The following NTSR2 variants were observed in gnomAD, a reference collection of about 807,000 sequenced individuals.
NTSR2 encodes the protein neurotensin receptor 2.
A neutral mutation model predicts 24.1 loss-of-function variants in NTSR2; 22 were observed. The observed-to-expected ratio is 0.91, with a 90% confidence interval of 0.65 to 1.30. The LOEUF (loss-of-function observed/expected upper bound fraction) is 1.30, where lower values mean the gene tolerates loss of function less well. Ranked by LOEUF, NTSR2 falls within the 50% of genes most tolerant of loss-of-function variation. NTSR2 has a pLI of 0.00. For missense variants in NTSR2, 570 were observed against 570.4 expected, an observed-to-expected ratio of 1.00 and a Z score of 0.01; for synonymous variants, 291 against 267.0, an observed-to-expected ratio of 1.09 and a Z score of -0.88.
In NTSR2 at chr2:11,658,739, G is replaced by A. The variant is rs1660996525; in HGVS notation, c.990-17C>T. On this transcript the variant is annotated splice_polypyrimidine_tract_variant and intron_variant, in intron 3 of 3. Transcript: ENST00000306928. ...TACAGTGGGCTGCAAGAGAAACCCG[G>A]GAGCCTGGTTAGAGGACCTGTCACC... is the stretch of plus-strand genomic sequence containing the variant. 1 of 1,611,998 alleles carries A rather than the reference G, an allele frequency of 6.2e-7. No individual in the cohort carries two copies. Among genetic ancestry groups the A allele is most frequent in the Non-Finnish European group, 8.5e-7 (1 of 1,178,468 alleles).
intron 1 of NTSR2, among the ~76,000 whole-genome samples, chr2:11,667,931 T>C (rs946238072): frequency 1.3e-5 from 2 of 152,064 alleles, no homozygotes; most frequent in Non-Finnish European, 2.9e-5. Flanking sequence ...GAGGAAGACG[T>C]TGTTTAAAGA....
intron 1 of NTSR2, among the ~76,000 whole-genome samples, chr2:11,664,123 C>A (rs974862983): frequency 7.4e-6 from 1 of 135,786 alleles, no homozygotes; most frequent in Non-Finnish European, 1.5e-5. Context: ...ATTTTAAACA[C>A]TGAGCATTTT....
At chr2:11,663,067 G>T (rs1196047380) in intron 1 of NTSR2, among the ~76,000 whole-genome samples, 3 of 152,168 alleles carry the variant, frequency 2.0e-5, no homozygotes, top group Non-Finnish European at 1.5e-5. Flanking sequence ...GAGAAAAATG[G>T]CTTCCATCTT....
chr2:11,661,770 G>A (rs564329758), intron 2 of NTSR2, among the ~76,000 whole-genome samples, 197 bp downstream of exon 2: 2 of 152,314 alleles, frequency 1.3e-5, no homozygotes, highest in African/African-American at 4.8e-5. Context: ...TTCATGTACA[G>A]AATTCCTATT....
Position 11,670,012 on chromosome 2 carries a change from CG to C in NTSR2, c.117del (p.Tyr39Ter). 8 of 1,517,128 alleles carry C rather than the reference CG, an allele frequency of 5.3e-6. No individual in the cohort carries two copies. The highest frequency in any genetic ancestry group is 7.0e-6 in the Non-Finnish European group (8 of 1,138,212). 94.0% of individuals were successfully genotyped at this position (1,517,128 alleles called of 1,614,324 possible). ...GCCGCGCCCAGCGCCCAGATGAGTG[CG>C]TAGAGCGCGGTGAACAGCACCTTGG... is the stretch of plus-strand genomic sequence containing the variant. ...LWAKVLFTAL[Y>X]ALIWALGAAG... On this transcript the variant is annotated frameshift_variant, in exon 1 of 4. Transcript: ENST00000306928. LOFTEE classifies it high-confidence loss of function.
At chr2:11,658,894 CT>C (rs1283236331) in intron 3 of NTSR2, among the ~76,000 whole-genome samples, 172 bp from the exon 4 acceptor site, 1 of 152,200 alleles carries the variant, frequency 6.6e-6, no homozygotes, top group Non-Finnish European at 1.5e-5. Context: ...GAGTCTTGCT[CT>C]GTCTCCCAGG....
chr2:11,667,411 A>G (rs910090226), intron 1 of NTSR2, among the ~76,000 whole-genome samples: 12 of 152,186 alleles, frequency 7.9e-5, no homozygotes, highest in South Asian at 6.2e-4. Flanking sequence ...CAGTGATGCA[A>G]TCATGACTCA....
intron 1 of NTSR2, among the ~76,000 whole-genome samples, chr2:11,663,768 C>T (rs1661133600): frequency 1.3e-5 from 2 of 152,024 alleles, no homozygotes; most frequent in Non-Finnish European, 1.5e-5. Flanking sequence ...GTGAAATGCT[C>T]ATTTTCTGTA....
Position 11,669,604 on chromosome 2 carries a change from GC to G in NTSR2, c.525del (p.Gln176ArgfsTer23), listed in dbSNP as rs1661280534. 4.4e-6 allele frequency: 7 copies of G among 1,584,108 alleles called. No homozygotes were observed. The highest frequency in any genetic ancestry group is 6.0e-6 in the Non-Finnish European group (7 of 1,172,542). On this transcript the variant is annotated frameshift_variant, in exon 1 of 4. Transcript: ENST00000306928. LOFTEE classifies it high-confidence loss of function. ...GLALPMAVIM[G>X]QKHELETADG... ...TCCGCCGTCTCGAGTTCGTGCTTCT[GC>G]CCCATGATGACGGCCATGGGCAGGG...
rs199915986 is a variant in NTSR2 at position 11,658,557 on chromosome 2, C to A, written c.1155G>T (p.Arg385=). The part of the protein sequence containing the change: ...SLCGEHHPMK[R]LPPKPQSPTL... The stretch of plus-strand genomic sequence containing the variant: ...TGGGACTCTGGGGCTTCGGGGGTAA[C>A]CGCTTCATGGGGTGGTGCTCTCCAC... The change falls in exon 4 of 4, where the codon CGG becomes CGT. Residue 385 remains arginine (R), a synonymous_variant. Transcript: ENST00000306928. The A allele has an allele frequency of 1.2e-5, 19 of 1,614,184 alleles. No individual in the cohort carries two copies. In the Admixed American group the frequency reaches 3.0e-4, roughly 25 times the overall value.
chr2:11,668,877 T>C (rs928660342), intron 1 of NTSR2, among the ~76,000 whole-genome samples: 1 of 152,156 alleles, frequency 6.6e-6, no homozygotes, highest in African/African-American at 2.4e-5. Flanking sequence ...AGATCAGAGC[T>C]GCACTTTGGG....
chr2:11,669,497 C>T lies in NTSR2; in HGVS notation c.624+9G>A, dbSNP rs755697799. On this transcript the variant is annotated intron_variant, in intron 1 of 3. Transcript: ENST00000306928. Reference sequence around the variant, plus strand: ...CCCCTCCCCCGACTCCCGCTCTCCACGCCCTTACCTGGATAAAGACTTGGA... The same window carrying T: ...CCCCTCCCCCGACTCCCGCTCTCCATGCCCTTACCTGGATAAAGACTTGGA... 5.9e-6 allele frequency: 8 copies of T among 1,349,804 alleles called. No homozygotes were observed. Among genetic ancestry groups the T allele is most frequent in the Non-Finnish European group, 7.6e-6 (8 of 1,049,436 alleles). 83.6% of individuals were successfully genotyped at this position (1,349,804 alleles called of 1,614,324 possible).
At position 11,669,585 on chromosome 2, in the gene NTSR2, G is replaced by A. The variant is rs745622659; in HGVS notation, c.545C>T (p.Thr182Met). Residue 182 changes from threonine (T) to methionine (M), a missense_variant, in exon 1 of 4, where the codon ACG becomes ATG. Transcript: ENST00000306928. ...GGCGGGCTCCGGCTCCCCGTCCGCC[G>A]TCTCGAGTTCGTGCTTCTGCCCCAT... ...VIMGQKHELE[T>M]ADGEPEPASR... The A allele has an allele frequency of 1.9e-6, 3 of 1,581,488 alleles. No homozygotes were observed. The highest frequency in any genetic ancestry group is 2.3e-5 in the East Asian group (1 of 43,862).
chr2:11,661,058 A>G (rs117888626), intron 2 of NTSR2, among the ~76,000 whole-genome samples: 2,012 of 152,230 alleles, frequency 0.013, 100 homozygotes, highest in East Asian at 0.11. Flanking sequence ...TGGCAAAGCC[A>G]TCATCTAGCC....
At chr2:11,667,840 C>T (rs1661237621) in intron 1 of NTSR2, among the ~76,000 whole-genome samples, 1 of 152,220 alleles carries the variant, frequency 6.6e-6, no homozygotes, top group South Asian at 2.1e-4. Flanking sequence ...ACGGGAAAAT[C>T]ACTGCAGACA....
intron 1 of NTSR2, 115 bp downstream of exon 1, chr2:11,669,391 G>A (rs11689220): frequency 0.08 from 72,798 of 906,110 alleles, 3,270 homozygotes; most frequent in Admixed American, 0.13. Flanking sequence ...CAACTTGCTG[G>A]GTGGTGGCGA....
intron 1 of NTSR2, among the ~76,000 whole-genome samples, chr2:11,668,891 T>C (rs1165295438): frequency 6.6e-6 from 1 of 151,998 alleles, no homozygotes; most frequent in Non-Finnish European, 1.5e-5. Flanking sequence ...CTTTGGGGAA[T>C]AAGAAGGGTT....
At chr2:11,662,388 G>A in intron 1 of NTSR2, 148 bp from the exon 2 acceptor site, 1 of 728,080 alleles carries the variant, frequency 1.4e-6, no homozygotes, top group Admixed American at 3.6e-5. Flanking sequence ...CAAAAAGTGA[G>A]GAGAGAGAAA....
rs34764121 is a variant in NTSR2 at position 11,662,020 on chromosome 2, C to T, written c.845G>A (p.Arg282Lys). The change falls in exon 2 of 4, where the codon AGA becomes AAA. Residue 282 changes from arginine (R) to lysine (K), a missense_variant. By Grantham distance (26) the Arg-to-Lys change is conservative (BLOSUM62 2). Transcript: ENST00000306928. Reference protein sequence around the residue: ...FIQGGQVSLVRHKDVRRIRSL... With the variant: ...FIQGGQVSLVKHKDVRRIRSL... ...GCGGATCCGGCGCACGTCTTTATGT[C>T]TCACCAGGCTGACCTGGCCTCCCTG... 4.3e-3 allele frequency: 6,974 copies of T among 1,612,804 alleles called. 232 individuals are homozygous for T. In the African/African-American group the frequency reaches 0.075, roughly 17 times the overall value.
Sources: gnomAD v4.1 joint callset for allele counts (sites outside exome capture counted in the v4.1 genomes callset) on GRCh38, gnomAD v4.1.1 for gene constraint, MANE v1.5 for transcripts, NCBI Gene and HGNC (gene_info 2026-07-23, HGNC 2026-07-21) for gene names.